The following PIEZO2 variants were observed in gnomAD, a reference collection of about 807,000 sequenced individuals.
PIEZO2 encodes piezo-type mechanosensitive ion channel component 2.
PIEZO2 carries 172 observed loss-of-function variants against 337.3 expected under a neutral mutation model. That is an observed-to-expected ratio of 0.51 (90% CI 0.45 to 0.58). PIEZO2 has a LOEUF of 0.58. PIEZO2 is among the 20% of genes least tolerant of loss of function. The pLI is 0.00. For synonymous variants in PIEZO2, 1,251 were observed against 1,228.5 expected (o/e 1.02, Z -0.38); for missense variants, 3,028 against 3,391.3 (o/e 0.89, Z 2.66).
At chr18:10,886,396 A>C (rs1396217607) in intron 4 of PIEZO2, among the ~76,000 whole-genome samples, 1 of 53,134 alleles carries the variant, frequency 1.9e-5, no homozygotes, top group Non-Finnish European at 3.1e-5. Context: ...ATATATATAT[A>C]TATATATATA....
intron 3 of PIEZO2, among the ~76,000 whole-genome samples, chr18:10,948,153 T>G (rs1404727755): frequency 6.6e-6 from 1 of 152,134 alleles, no homozygotes; most frequent in Non-Finnish European, 1.5e-5. Context: ...AGGTAATTTT[T>G]TAGTTTTATT....
In PIEZO2 at chr18:10,670,797, A is replaced by C. The variant is rs2143359345; in HGVS notation, c.*730T>G. On this transcript the variant is annotated 3_prime_UTR_variant, in exon 56 of 56. Coordinates refer to ENST00000674853, the MANE Select transcript of PIEZO2 (RefSeq NM_001378183.1). The stretch of plus-strand genomic sequence containing the variant: ...CCTCCAGAATGGTTCCCCTCATTGA[A>C]GCTGGTCACTGGTGGACCATAACAA... 1 of 151,880 alleles carries C rather than the reference A, an allele frequency of 6.6e-6. No individual in the cohort carries two copies. Among genetic ancestry groups the C allele is most frequent in the East Asian group, 1.9e-4 (1 of 5,152 alleles). 9.4% of individuals were successfully genotyped at this position (151,880 alleles called of 1,614,324 possible).
In PIEZO2 at chr18:10,785,777, C is replaced by T. The variant is rs147249120; in HGVS notation, c.2319-820G>A. On this transcript the variant is annotated intron_variant, in intron 16 of 55. Coordinates refer to ENST00000674853, the MANE Select transcript of PIEZO2 (RefSeq NM_001378183.1). Reference sequence around the variant, plus strand: ...AAGCTCCCATCATTTCTCACAGGACCGCTGCTGCTGCCTACTAACTAGTCT... The same window carrying T: ...AAGCTCCCATCATTTCTCACAGGACTGCTGCTGCTGCCTACTAACTAGTCT... Among the ~76,000 whole-genome samples, 38 of 152,300 alleles carry T rather than the reference C, an allele frequency of 2.5e-4. No individual in the cohort carries two copies. The East Asian group carries it at 4.6e-3, about 19-fold the overall frequency.
rs914053309 is a variant in PIEZO2 at position 10,837,984 on chromosome 18, G to A, written c.917+17369C>T. On this transcript the variant is annotated intron_variant, in intron 7 of 55. Coordinates refer to ENST00000674853, the MANE Select transcript of PIEZO2 (RefSeq NM_001378183.1). The surrounding 1 kb of genome is among the most constrained non-coding windows in gnomAD (Gnocchi z 4.4). ...CCAGGCTGGTCTCGAACTCCTGATC[G>A]CAGGTGATCTGTCCGCCTCGGCCTC... Among the ~76,000 whole-genome samples the A allele has an allele frequency of 1.2e-4, 18 of 151,948 alleles. No individual in the cohort carries two copies. The highest frequency in any genetic ancestry group is 1.3e-4 in the Admixed American group (2 of 15,254).
intron 1 of PIEZO2, among the ~76,000 whole-genome samples, chr18:11,140,055 C>T (rs183432119): frequency 1.1e-4 from 17 of 152,304 alleles, no homozygotes; most frequent in Non-Finnish European, 2.4e-4. Context: ...TGGGATCCAA[C>T]CATCCCCAAT....
At chr18:10,703,426 A>T (rs1204227991) in intron 42 of PIEZO2, among the ~76,000 whole-genome samples, 1 of 152,238 alleles carries the variant, frequency 6.6e-6, no homozygotes, top group Non-Finnish European at 1.5e-5. Context: ...GCATGCTATC[A>T]ATACTTTCAA....
chr18:10,680,408 T>G (rs2034213571), intron 51 of PIEZO2, 37 bp from the exon 52 acceptor site: 2 of 1,574,270 alleles, frequency 1.3e-6, no homozygotes, highest in African/African-American at 2.7e-5. Flanking sequence ...AAATAGATTA[T>G]ATGCATCATG....
rs1168290788 is a variant in PIEZO2, at chr18:10,752,769, T to A, written c.4034A>T (p.Tyr1345Phe). Residue 1345 changes from tyrosine to phenylalanine, a missense_variant, in exon 28 of 56, where the codon TAC becomes TTC. Physicochemically the swap from Tyr to Phe is conservative, Grantham distance 22. This residue lies in a region of PIEZO2 where 1,925 missense variants were observed against 2,051.9 expected (regional missense o/e 0.94). Coordinates refer to ENST00000674853, the MANE Select transcript of PIEZO2 (RefSeq NM_001378183.1). ...CAGGAAGTAGAAACAGGCCACCAGGTACCCCATGCAAAAGATGCTGATCCT... is the reference window on the plus strand; with the variant it reads ...CAGGAAGTAGAAACAGGCCACCAGGAACCCCATGCAAAAGATGCTGATCCT... ...TTRISIFCMG[Y>F]LVACFYFLLF... 3 of 1,537,054 alleles carry A rather than the reference T, an allele frequency of 2.0e-6. No homozygotes were observed. In the Admixed American group the frequency reaches 5.9e-5, roughly 30 times the overall value.
At chr18:10,772,274 C>T (rs1194635336) in intron 20 of PIEZO2, among the ~76,000 whole-genome samples, 1 of 152,044 alleles carries the variant, frequency 6.6e-6, no homozygotes, top group Non-Finnish European at 1.5e-5. Context: ...AGATGGTAGT[C>T]AATAAAAAGG....
chr18:11,050,008 A>C (rs1342615755), intron 2 of PIEZO2, among the ~76,000 whole-genome samples: 1 of 152,138 alleles, frequency 6.6e-6, no homozygotes, highest in African/African-American at 2.4e-5. Flanking sequence ...GTGTTTCCTA[A>C]ACTGAGAATT....
chr18:10,871,441 G>A (rs1568149929), intron 4 of PIEZO2, 26 bp from the exon 5 acceptor site: 1 of 1,513,092 alleles, frequency 6.6e-7, no homozygotes, highest in East Asian at 2.5e-5. Context: ...AAGGGGAGGG[G>A]AAAAAAATTT....
At chr18:11,052,776 CTT>C (rs1264578881) in intron 2 of PIEZO2, among the ~76,000 whole-genome samples, 1 of 152,152 alleles carries the variant, frequency 6.6e-6, no homozygotes. Context: ...ATTGGTCACA[CTT>C]AATATGATAT....
At chr18:10,939,820 G>A (rs1390970149) in intron 3 of PIEZO2, among the ~76,000 whole-genome samples, 1 of 152,054 alleles carries the variant, frequency 6.6e-6, no homozygotes, top group East Asian at 1.9e-4. Flanking sequence ...TAATGCATGG[G>A]GAGCTTAAAA....
chr18:10,979,565 C>T lies in PIEZO2; in HGVS notation c.256G>A (p.Ala86Thr), dbSNP rs753345300. 7 of 1,534,838 alleles carry T rather than the reference C, an allele frequency of 4.6e-6. 1 individual carries two copies. The South Asian group carries it at 8.4e-5, about 18-fold the overall frequency. Reference sequence around the variant, plus strand: ...TAGCCAGGTGCAATACGATGTTGAGCTTCAAGGCTCACCAACGTGATGTGG... The same window carrying T: ...TAGCCAGGTGCAATACGATGTTGAGTTTCAAGGCTCACCAACGTGATGTGG... ...IFHITLVSLE[A>T]QHRIAPGYNC... Residue 86 changes from alanine to threonine, a missense_variant, in exon 3 of 56, where the codon GCT becomes ACT. By Grantham distance (58) the Ala-to-Thr change is moderately conservative. Around this residue, in one of 5 missense-constraint regions of PIEZO2, gnomAD observed 542 missense variants for 605.6 expected, o/e 0.89. Coordinates refer to ENST00000674853, the MANE Select transcript of PIEZO2 (RefSeq NM_001378183.1). This position sits in a 1 kb window ranked among gnomAD's most constrained non-coding sequence, Gnocchi z 4.0.
rs1176514001 is a variant in PIEZO2, at chr18:10,980,195, C to T, written c.161-535G>A. 2.0e-5 allele frequency among the ~76,000 whole-genome samples: 3 copies of T among 151,734 alleles called. No homozygotes were observed. Among genetic ancestry groups the T allele is most frequent in the Non-Finnish European group, 2.9e-5 (2 of 67,934 alleles). Reference sequence around the variant, plus strand: ...GAAATAGCATAGAAAAAATATAATACATAGGTTAAGGTTTATTATAGAAAA... The same window carrying T: ...GAAATAGCATAGAAAAAATATAATATATAGGTTAAGGTTTATTATAGAAAA... On this transcript the variant is annotated intron_variant, in intron 2 of 55. Coordinates refer to ENST00000674853, the MANE Select transcript of PIEZO2 (RefSeq NM_001378183.1). This position sits in a 1 kb window ranked among gnomAD's most constrained non-coding sequence, Gnocchi z 4.8.
At position 11,043,910 on chromosome 18, in the gene PIEZO2, G is replaced by A. The variant is rs376824320; in HGVS notation, c.160+22217C>T. 2.2e-4 allele frequency among the ~76,000 whole-genome samples: 33 copies of A among 152,086 alleles called. No individual in the cohort carries two copies. In the South Asian group the frequency reaches 5.8e-3, roughly 27 times the overall value. ...GCTGGTCATGAACTCCTGACCTCAG[G>A]TGATCCACCTGCCTTGGCCTCCAAA... On this transcript the variant is annotated intron_variant, in intron 2 of 55. Coordinates refer to ENST00000674853, the MANE Select transcript of PIEZO2 (RefSeq NM_001378183.1).
At chr18:11,018,023 G>C (rs1485240187) in intron 2 of PIEZO2, among the ~76,000 whole-genome samples, 2 of 152,148 alleles carry the variant, frequency 1.3e-5, no homozygotes, top group Non-Finnish European at 1.5e-5. Flanking sequence ...TTGCCTCACT[G>C]TTCTGGTGGC....
In PIEZO2 at chr18:10,861,696, C is replaced by T. The variant is rs1358824225; in HGVS notation, c.493-4485G>A. Among the ~76,000 whole-genome samples, 1 of 152,182 alleles carries T rather than the reference C, an allele frequency of 6.6e-6. No homozygotes were observed. On this transcript the variant is annotated intron_variant, in intron 5 of 55. Transcript: ENST00000674853. The surrounding 1 kb of genome is among the most constrained non-coding windows in gnomAD (Gnocchi z 4.3). ...TGATTTTGGGGGACCTATTGCACTG[C>T]ATGGTGACTGTAGTTTTTAATGTAT...
At chr18:10,751,939 TTCTGAAACATA>T (rs1413133957) in intron 28 of PIEZO2, among the ~76,000 whole-genome samples, 1 of 152,142 alleles carries the variant, frequency 6.6e-6, no homozygotes, top group African/African-American at 2.4e-5. Context: ...AAGAGTTGTG[TTCTGAAACATA>T]GCTACTTAAG....
Sources: gnomAD v4.1 joint callset for allele counts (sites outside exome capture counted in the v4.1 genomes callset) on GRCh38, gnomAD v4.1.1 for gene constraint, gnomAD v4.1.1 regional missense constraint, Gnocchi (gnomAD v3.1) non-coding constraint, MANE v1.5 for transcripts, NCBI Gene and HGNC (gene_info 2026-07-23, HGNC 2026-07-21) for gene names.